Variants in ITPR1 observed in about 807,000 individuals in gnomAD.
The protein encoded by ITPR1 is inositol 1,4,5-trisphosphate-gated calcium channel ITPR1.
A neutral mutation model predicts 318.4 loss-of-function variants in ITPR1; 96 were observed. The ratio of observed to expected loss-of-function variants is 0.30; its 90% CI spans 0.26 to 0.36. ITPR1 has a LOEUF of 0.36. ITPR1 is among the 10% of genes least tolerant of loss of function. ITPR1 has a pLI of 1.00. For synonymous variants in ITPR1, 1,312 were observed against 1,289.9 expected (o/e 1.02, Z -0.37); for missense variants, 2,440 against 3,460.2 (o/e 0.71, Z 7.40).
intron 7 of ITPR1, among the ~76,000 whole-genome samples, chr3:4,642,771 T>C (rs1165608745): frequency 6.6e-6 from 1 of 152,142 alleles, no homozygotes; most frequent in African/African-American, 2.4e-5. Flanking sequence ...GGTTCCACAG[T>C]ATATAAAGCC....
chr3:4,593,622 CAAAA>C (rs2090565343), intron 4 of ITPR1, among the ~76,000 whole-genome samples: 1 of 152,024 alleles, frequency 6.6e-6, no homozygotes, highest in African/African-American at 2.4e-5. Flanking sequence ...TGGGAGAATA[CAAAA>C]ATAAGAGGGG....
At chr3:4,575,007 G>A (rs1340660725) in intron 4 of ITPR1, among the ~76,000 whole-genome samples, 1 of 152,214 alleles carries the variant, frequency 6.6e-6, no homozygotes, top group Non-Finnish European at 1.5e-5. Flanking sequence ...TTTTTGTACT[G>A]GATGGTGCTT....
At chr3:4,809,737 C>T (rs542915093) in intron 55 of ITPR1, among the ~76,000 whole-genome samples, 1 of 152,238 alleles carries the variant, frequency 6.6e-6, no homozygotes, top group African/African-American at 2.4e-5. Flanking sequence ...GAAAAAATCG[C>T]TTGTCATTTC....
chr3:4,610,313 G>C (rs1170889683), intron 4 of ITPR1, among the ~76,000 whole-genome samples: 1 of 152,084 alleles, frequency 6.6e-6, no homozygotes, highest in Non-Finnish European at 1.5e-5. Context: ...TCGGGGACCA[G>C]GTTTTATTGA....
At chr3:4,634,730 C>T (rs1156732197) in intron 5 of ITPR1, among the ~76,000 whole-genome samples, 1 of 152,188 alleles carries the variant, frequency 6.6e-6, no homozygotes, top group Non-Finnish European at 1.5e-5. Flanking sequence ...TGTGTCTCCA[C>T]ATTTTAAAGT....
chr3:4,672,105 G>A (rs1364503352), intron 20 of ITPR1, among the ~76,000 whole-genome samples: 1 of 152,300 alleles, frequency 6.6e-6, no homozygotes, highest in East Asian at 1.9e-4. Context: ...ATCACATGCT[G>A]CAGTTCTTCA....
At chr3:4,758,382 C>T (rs1055893768) in intron 44 of ITPR1, among the ~76,000 whole-genome samples, 7 of 152,352 alleles carry the variant, frequency 4.6e-5, no homozygotes, top group Admixed American at 2.0e-4. Context: ...CCCTGGGACA[C>T]ATACATCTAT....
chr3:4,691,290 T>C lies in ITPR1; in HGVS notation c.3975T>C (p.Ile1325=). The C allele has an allele frequency of 1.9e-6, 3 of 1,613,598 alleles. No individual in the cohort carries two copies. The highest frequency in any genetic ancestry group is 2.5e-6 in the Non-Finnish European group (3 of 1,179,604). Residue 1325 remains isoleucine, a synonymous_variant, in exon 32 of 62, where the codon ATT becomes ATC. Coordinates refer to ENST00000649015, the MANE Select transcript of ITPR1 (RefSeq NM_001378452.1). The part of the protein sequence containing the change: ...NVQYIKFLQT[I]VKAEGKFIKK... Reference sequence around the variant, plus strand: ...AGTATATAAAGTTCTTACAGACAATTGTCAAGGCAGAAGGGAAATTTATTA... The same window carrying C: ...AGTATATAAAGTTCTTACAGACAATCGTCAAGGCAGAAGGGAAATTTATTA...
intron 61 of ITPR1, among the ~76,000 whole-genome samples, chr3:4,837,733 T>A (rs1233160347): frequency 1.3e-5 from 2 of 152,152 alleles, no homozygotes; most frequent in East Asian, 3.9e-4. Flanking sequence ...AAAATGAACA[T>A]GCCACAGTCA....
intron 4 of ITPR1, among the ~76,000 whole-genome samples, chr3:4,585,015 C>A (rs1477005839): frequency 6.6e-6 from 1 of 152,216 alleles, no homozygotes; most frequent in Non-Finnish European, 1.5e-5. Flanking sequence ...GAGTGTATTA[C>A]TGGTCTACCC....
At chr3:4,528,214 A>T (rs1054369719) in intron 4 of ITPR1, among the ~76,000 whole-genome samples, 1 of 152,196 alleles carries the variant, frequency 6.6e-6, no homozygotes, top group Non-Finnish European at 1.5e-5. Context: ...TTTTTCCAAG[A>T]TTTCATCCAG....
chr3:4,639,614 T>C (rs1029140347), intron 6 of ITPR1, 144 bp downstream of exon 6: 2 of 656,546 alleles, frequency 3.0e-6, no homozygotes, highest in Non-Finnish European at 2.7e-6. Context: ...GTCTAGTGTT[T>C]CTTGTTAGAT....
chr3:4,741,523 A>G (rs938719594), intron 44 of ITPR1, among the ~76,000 whole-genome samples: 3 of 148,778 alleles, frequency 2.0e-5, no homozygotes, highest in African/African-American at 7.5e-5. Flanking sequence ...TCCCTGGTTC[A>G]TGAGGCCTTT....
At chr3:4,793,835 T>A (rs1347454213) in intron 52 of ITPR1, among the ~76,000 whole-genome samples, 1 of 152,216 alleles carries the variant, frequency 6.6e-6, no homozygotes, top group Non-Finnish European at 1.5e-5. Flanking sequence ...CTCTACAGTT[T>A]GGAAACATTG....
intron 46 of ITPR1, among the ~76,000 whole-genome samples, chr3:4,770,790 T>C (rs868229687): frequency 6.6e-6 from 1 of 152,204 alleles, no homozygotes; most frequent in African/African-American, 2.4e-5. Flanking sequence ...AAAGCACTTA[T>C]GCCTCAAATG....
In ITPR1 at chr3:4,675,171, T is replaced by C. The variant is rs2125217681; in HGVS notation, c.2702T>C (p.Val901Ala). The change falls in exon 23 of 62, where the codon GTG becomes GCG. Residue 901 changes from valine to alanine, a missense_variant. Physicochemically the swap from Val to Ala is moderately conservative, Grantham distance 64. Around this residue, in one of 23 missense-constraint regions of ITPR1, gnomAD observed 478 missense variants for 696.3 expected, o/e 0.69. Transcript: ENST00000649015. The part of the protein sequence containing the change: ...ILLAILDCVH[V>A]TTIFPISKMA... ...CTGGCCATATTGGACTGTGTACATG[T>C]GACAACAATCTTCCCCATTAGCAAG... 1 of 1,611,628 alleles carries C rather than the reference T, an allele frequency of 6.2e-7. No individual in the cohort carries two copies. The highest frequency in any genetic ancestry group is 2.2e-5 in the East Asian group (1 of 44,814).
intron 52 of ITPR1, among the ~76,000 whole-genome samples, chr3:4,793,279 C>G (rs2047686638): frequency 6.6e-6 from 1 of 152,220 alleles, no homozygotes. Context: ...AGTACACGCA[C>G]TCACATTTGA....
At chr3:4,495,040 C>T (rs1559335967) in intron 2 of ITPR1, among the ~76,000 whole-genome samples, 1 of 152,174 alleles carries the variant, frequency 6.6e-6, no homozygotes, top group African/African-American at 2.4e-5. Flanking sequence ...CAGCCCTTGA[C>T]TCAAGCCACC....
chr3:4,644,092 C>G (rs1288181185), intron 7 of ITPR1, 44 bp from the exon 8 acceptor site: 2 of 1,327,924 alleles, frequency 1.5e-6, no homozygotes, highest in East Asian at 4.8e-5. Flanking sequence ...ATCCGCAGTC[C>G]TTATCAGTTT....
Sources: allele counts gnomAD v4.1 joint callset (sites outside exome capture counted in the v4.1 genomes callset), GRCh38; gene constraint gnomAD v4.1.1; regional missense constraint gnomAD v4.1.1; transcripts MANE v1.5; gene names NCBI Gene and HGNC (gene_info 2026-07-23, HGNC 2026-07-21).